Variants in SNX25 observed in about 807,000 individuals in gnomAD.
The protein encoded by SNX25 is sorting nexin-25.
SNX25 carries 62 observed loss-of-function variants against 113.7 expected under a neutral mutation model. The ratio of observed to expected loss-of-function variants is 0.55; its 90% CI spans 0.44 to 0.67. SNX25 has a LOEUF of 0.67. Ranked by LOEUF, SNX25 falls within the 30% of genes least tolerant of loss-of-function variation. The pLI, the probability that SNX25 is intolerant of heterozygous loss-of-function variation, is 0.00. For missense variants in SNX25, 1,014 were observed against 1,161.0 expected (o/e 0.87, Z 1.84); for synonymous variants, 421 against 436.2 (o/e 0.97, Z 0.43).
intron 8 of SNX25, among the ~76,000 whole-genome samples, chr4:185,321,255 C>G (rs1266619442): frequency 2.4e-4 from 36 of 150,722 alleles, no homozygotes; most frequent in Non-Finnish European, 1.5e-5. Context: ...CTTTGCCTTT[C>G]ATTTCAATTT....
chr4:185,309,392 G>C (rs1389564144), intron 6 of SNX25, among the ~76,000 whole-genome samples: 1 of 152,226 alleles, frequency 6.6e-6, no homozygotes, highest in African/African-American at 2.4e-5. Flanking sequence ...TGCAGAGGCA[G>C]ATTGTCAGAG....
At chr4:185,351,354 T>C (rs753799478) in intron 13 of SNX25, 91 bp from the exon 14 acceptor site, 6 of 1,368,356 alleles carry the variant, frequency 4.4e-6, no homozygotes, top group Non-Finnish European at 5.0e-6. Context: ...AGTAAATTCG[T>C]GACAGCTCTG....
At chr4:185,229,932 G>A (rs1458970150) in intron 1 of SNX25, among the ~76,000 whole-genome samples, 2 of 152,116 alleles carry the variant, frequency 1.3e-5, no homozygotes, top group Non-Finnish European at 2.9e-5. Context: ...GGGCTCAGGT[G>A]ATCCTCCCAC....
intron 12 of SNX25, among the ~76,000 whole-genome samples, chr4:185,342,689 C>T (rs1172268227): frequency 2.7e-5 from 4 of 146,280 alleles, no homozygotes; most frequent in Non-Finnish European, 4.5e-5. Context: ...CATTAAGGCG[C>T]GGTGCTTGGA....
At chr4:185,306,380 A>G (rs765167615) in intron 6 of SNX25, among the ~76,000 whole-genome samples, 2 of 152,252 alleles carry the variant, frequency 1.3e-5, no homozygotes, top group Non-Finnish European at 2.9e-5. Flanking sequence ...GCCCATTATC[A>G]AACAGAACGC....
intron 6 of SNX25, among the ~76,000 whole-genome samples, chr4:185,298,234 A>AT (rs1753122153): frequency 6.6e-6 from 1 of 151,762 alleles, no homozygotes; most frequent in South Asian, 2.1e-4. Flanking sequence ...GATTACAGGC[A>AT]TGCACCACCA....
intron 1 of SNX25, among the ~76,000 whole-genome samples, chr4:185,212,466 TG>T (rs1560889765): frequency 1.3e-3 from 99 of 73,730 alleles, no homozygotes; most frequent in Non-Finnish European, 1.9e-3. Flanking sequence ...TTGTGTGATG[TG>T]TGTGTGTGTG....
downstream of SNX25, chr4:185,374,454 C>T (rs767392051): frequency 1.3e-5 from 21 of 1,604,736 alleles, no homozygotes; most frequent in East Asian, 4.5e-4. Flanking sequence ...ATAGTCCACC[C>T]CTTTCTCCTT....
intron 1 of SNX25, among the ~76,000 whole-genome samples, chr4:185,214,411 A>G (rs1579307122): frequency 7.3e-6 from 1 of 137,908 alleles, no homozygotes; most frequent in Admixed American, 7.4e-5. Flanking sequence ...AAAAAAAAAA[A>G]AGAAAAAAAA....
intron 8 of SNX25, among the ~76,000 whole-genome samples, 176 bp downstream of exon 8, chr4:185,321,040 A>G (rs1030682413): frequency 6.6e-6 from 1 of 152,214 alleles, no homozygotes; most frequent in African/African-American, 2.4e-5. Context: ...ATATTTTTAC[A>G]GAAGATTCTT....
intron 7 of SNX25, among the ~76,000 whole-genome samples, chr4:185,313,996 G>A (rs1352009861): frequency 2.6e-5 from 4 of 152,088 alleles, no homozygotes; most frequent in South Asian, 2.1e-4. Flanking sequence ...GTTTTCATCC[G>A]CATCATCTTC....
At position 185,264,495 on chromosome 4, in the gene SNX25, T is replaced by C. The variant is rs1747776358; in HGVS notation, c.789T>C (p.Asp263=). The C allele has an allele frequency of 5.6e-6, 9 of 1,614,022 alleles. No individual in the cohort carries two copies. Among genetic ancestry groups the C allele is most frequent in the Non-Finnish European group, 6.8e-6 (8 of 1,179,968 alleles). Residue 263 remains aspartate (D), a synonymous_variant, in exon 4 of 19, where the codon GAT becomes GAC. Coordinates refer to ENST00000652585, the MANE Select transcript of SNX25 (RefSeq NM_001378034.2). ...VLHACLRNSD[D]EVRFLQTCSR... ...ACGCATGCTTGAGGAACTCAGATGA[T>C]GAAGTAAGATTTCTACAAACGTGTT...
chr4:185,369,862 G>T (rs1446535317), exon 12 of SNX25: 1 of 393,284 alleles, frequency 2.5e-6, no homozygotes, highest in Non-Finnish European at 5.0e-6. Flanking sequence ...AACATGCAGA[G>T]AAGCTTGGGA....
At chr4:185,228,846 T>C (rs1346103354) in intron 1 of SNX25, among the ~76,000 whole-genome samples, 2 of 152,230 alleles carry the variant, frequency 1.3e-5, no homozygotes, top group South Asian at 2.1e-4. Flanking sequence ...TTCACAGTTA[T>C]CCTATGAGAA....
intron 1 of SNX25, among the ~76,000 whole-genome samples, chr4:185,214,392 A>C (rs1738425806): frequency 1.3e-5 from 1 of 76,578 alleles, no homozygotes; most frequent in Non-Finnish European, 2.7e-5. Flanking sequence ...CTCCATCTCT[A>C]CCAAAAAAAA....
At chr4:185,377,050 C>CCA in the SNX25 span, 2 of 1,393,994 alleles carry the variant, frequency 1.4e-6, no homozygotes, top group South Asian at 2.3e-5. Flanking sequence ...ATTCCATCAA[C>CCA]CACACAATAT....
downstream of SNX25, chr4:185,365,404 G>A (rs1367000638): frequency 1.3e-5 from 2 of 151,808 alleles, no homozygotes; most frequent in African/African-American, 2.4e-5. Flanking sequence ...ACCGAGGCTG[G>A]AGTGCAATTT....
intron 9 of SNX25, among the ~76,000 whole-genome samples, chr4:185,332,017 C>T (rs1486389962): frequency 6.6e-6 from 1 of 152,192 alleles, no homozygotes; most frequent in Non-Finnish European, 1.5e-5. Flanking sequence ...GGTAATCTAG[C>T]AAGACTTTTC....
At chr4:185,283,084 T>C (rs922709806) in intron 5 of SNX25, among the ~76,000 whole-genome samples, 2 of 152,248 alleles carry the variant, frequency 1.3e-5, no homozygotes, top group African/African-American at 4.8e-5. Context: ...ATGCCCACTA[T>C]GTGCAAAGTG....
Sources: gnomAD v4.1 joint callset for allele counts (sites outside exome capture counted in the v4.1 genomes callset) on GRCh38, gnomAD v4.1.1 for gene constraint, MANE v1.5 for transcripts, NCBI Gene and HGNC (gene_info 2026-07-23, HGNC 2026-07-21) for gene names.